The following HRH2 variants were observed in gnomAD, a reference collection of about 807,000 sequenced individuals.
HRH2 encodes the protein histamine H2 receptor.
A neutral mutation model predicts 20.1 loss-of-function variants in HRH2; 4 were observed. That is an observed-to-expected ratio of 0.20 (90% confidence interval 0.10 to 0.45). HRH2 has a LOEUF of 0.45. Among genes scored for constraint, HRH2 ranks in the 20% least tolerant of loss-of-function variants. The pLI, the probability that HRH2 is intolerant of heterozygous loss-of-function variation, is 0.99. For missense variants in HRH2, 250 were observed against 461.6 expected (o/e 0.54, Z 4.20); for synonymous variants, 197 against 200.7 (o/e 0.98, Z 0.16).
chr5:175,685,747 C>T (rs532778306), intron 2 of HRH2: 9 of 554,220 alleles, frequency 1.6e-5, no homozygotes, highest in Non-Finnish European at 2.9e-5. Flanking sequence ...CTCACATGAG[C>T]GAAGGGACAT....
At position 175,687,159 on chromosome 5, in the gene HRH2, T is replaced by A. The variant is rs1220062665; in HGVS notation, c.1076+2850T>A. Among the ~76,000 whole-genome samples the A allele has an allele frequency of 3.3e-5, 5 of 152,018 alleles. No homozygotes were observed. Among genetic ancestry groups the A allele is most frequent in the African/African-American group, 1.2e-4 (5 of 41,394 alleles). ...TGGCAGAGAAGGGTGGGGGAGCCAG[T>A]CAGAGGGCCCCACACTGTGGTTGAG... On this transcript the variant is annotated intron_variant, in intron 2 of 2. Coordinates refer to ENST00000636584, the MANE Select transcript of HRH2 (RefSeq NM_001367711.1). The surrounding 1 kb of genome is among the most constrained non-coding windows in gnomAD (Gnocchi z 5.2).
In HRH2 at chr5:175,686,169, A is replaced by G. The variant is rs760305833; in HGVS notation, c.1076+1860A>G. Reference sequence around the variant, plus strand: ...CATATCCTTGCGCAATCTCTTATTCAGGAGGCAGCTGGAGTGCAAAGCTGA... The same window carrying G: ...CATATCCTTGCGCAATCTCTTATTCGGGAGGCAGCTGGAGTGCAAAGCTGA... On this transcript the variant is annotated intron_variant, in intron 2 of 2. Transcript: ENST00000636584. This position sits in a 1 kb window ranked among gnomAD's most constrained non-coding sequence, Gnocchi z 4.7. 5.3e-5 allele frequency: 8 copies of G among 152,308 alleles called. No homozygotes were observed. The highest frequency in any genetic ancestry group is 1.0e-4 in the Non-Finnish European group (7 of 68,042). The allele number at this position is 152,308 out of a possible 1,614,324, so 9.4% of individuals were successfully genotyped here.
At chr5:175,679,988 T>C (rs1362436693) in intron 1 of HRH2, among the ~76,000 whole-genome samples, 1 of 152,214 alleles carries the variant, frequency 6.6e-6, no homozygotes, top group Admixed American at 6.5e-5. Flanking sequence ...AACCGTTAAA[T>C]GGAGACATGA....
At chr5:175,705,981 G>T (rs1756932886) in intron 2 of HRH2, among the ~76,000 whole-genome samples, 1 of 152,110 alleles carries the variant, frequency 6.6e-6, no homozygotes, top group South Asian at 2.1e-4. Context: ...ACTGCTCCTG[G>T]CCCTGAAGTA....
At chr5:175,674,506 C>G (rs1406399974) in intron 1 of HRH2, among the ~76,000 whole-genome samples, 1 of 151,840 alleles carries the variant, frequency 6.6e-6, no homozygotes, top group Non-Finnish European at 1.5e-5. Flanking sequence ...CCACTCTGAC[C>G]CCACCATCTA....
At position 175,708,549 on chromosome 5, in the gene HRH2, G is replaced by C. The variant is rs544554620; in HGVS notation, c.*578G>C. ...CCCCGACTTTACAGAGATGGAAACT[G>C]AGGCTCAGAGAAGTAAGGGACCTGC... On this transcript the variant is annotated 3_prime_UTR_variant, in exon 3 of 3. Transcript: ENST00000636584. 1.2e-4 allele frequency: 18 copies of C among 152,542 alleles called. No individual in the cohort carries two copies. The highest frequency in any genetic ancestry group is 4.3e-4 in the African/African-American group (18 of 41,556). The allele number at this position is 152,542 out of a possible 1,614,324, so 9.4% of individuals were successfully genotyped here.
At position 175,683,642 on chromosome 5, in the gene HRH2, ATC is replaced by A; in HGVS notation, c.415_416del (p.Leu139GlyfsTer34). The A allele has an allele frequency of 6.2e-7, 1 of 1,614,124 alleles. No individual in the cohort carries two copies. Among genetic ancestry groups the A allele is most frequent in the Non-Finnish European group, 8.5e-7 (1 of 1,180,018 alleles). On this transcript the variant is annotated frameshift_variant, in exon 2 of 3. Transcript: ENST00000636584. LOFTEE classifies it high-confidence loss of function. ...PVLVTPVRVA[I>X]SLVLIWVISI... ...GCTGGTCACCCCAGTTCGGGTCGCC[ATC>A]TCTCTGGTCTTAATTTGGGTCATCT... is the stretch of plus-strand genomic sequence containing the variant.
chr5:175,679,206 A>C (rs1176022355), intron 1 of HRH2, among the ~76,000 whole-genome samples: 1 of 152,200 alleles, frequency 6.6e-6, no homozygotes. Flanking sequence ...CCGGGGAGAC[A>C]CATTCTCATG....
chr5:175,695,399 G>A (rs1460321324), intron 2 of HRH2, among the ~76,000 whole-genome samples: 1 of 152,180 alleles, frequency 6.6e-6, no homozygotes, highest in African/African-American at 2.4e-5. Flanking sequence ...ACAGTGTCCG[G>A]CACCCAGTGA....
chr5:175,672,600 AT>A (rs2113492866), intron 1 of HRH2, among the ~76,000 whole-genome samples: 1 of 152,322 alleles, frequency 6.6e-6, no homozygotes. Flanking sequence ...GGGATATGAT[AT>A]TGTTACGATG....
In HRH2 at chr5:175,683,317, C is replaced by G; in HGVS notation, c.84C>G (p.Leu28=). The change falls in exon 2 of 3, where the codon CTC becomes CTG. Residue 28 remains leucine (L), a synonymous_variant. Transcript: ENST00000636584. Reference sequence around the variant, plus strand: ...CCATCACCGTGGTCCTTGCGGTCCTCATCCTCATCACCGTTGCTGGCAATG... The same window carrying G: ...CCATCACCGTGGTCCTTGCGGTCCTGATCCTCATCACCGTTGCTGGCAATG... ...KITITVVLAV[L]ILITVAGNVV... is the part of the protein sequence containing the mutation. 1 of 1,614,172 alleles carries G rather than the reference C, an allele frequency of 6.2e-7. No individual in the cohort carries two copies. Among genetic ancestry groups the G allele is most frequent in the Non-Finnish European group, 8.5e-7 (1 of 1,180,034 alleles).
Position 175,683,496 on chromosome 5 carries a change from A to G in HRH2, c.263A>G (p.Lys88Arg). ...CTGTCCTGCAAGTGGAGCTTTGGCA[A>G]GGTCTTCTGCAATATCTACACCAGC... ...YQLSCKWSFG[K>R]VFCNIYTSLD... The change falls in exon 2 of 3, where the codon AAG becomes AGG. Residue 88 changes from lysine to arginine, a missense_variant. Coordinates refer to ENST00000636584, the MANE Select transcript of HRH2 (RefSeq NM_001367711.1). The G allele has an allele frequency of 6.2e-7, 1 of 1,613,838 alleles. No individual in the cohort carries two copies. The highest frequency in any genetic ancestry group is 2.2e-5 in the East Asian group (1 of 44,878).
chr5:175,691,637 C>A (rs1221155503), intron 2 of HRH2, among the ~76,000 whole-genome samples: 3 of 151,614 alleles, frequency 2.0e-5, no homozygotes, highest in Non-Finnish European at 4.4e-5. Flanking sequence ...AATACCGGCG[C>A]TTTGGGAGGC....
chr5:175,692,928 C>T (rs536357122), intron 2 of HRH2, among the ~76,000 whole-genome samples: 1 of 152,232 alleles, frequency 6.6e-6, no homozygotes, highest in South Asian at 2.1e-4. Flanking sequence ...AAAGCGTGTC[C>T]GTGTCACGAC....
intron 1 of HRH2, among the ~76,000 whole-genome samples, chr5:175,671,382 T>C (rs1420257093): frequency 6.6e-6 from 1 of 152,146 alleles, no homozygotes. Context: ...GAGAAAGTTG[T>C]ACCTTGGCAG....
At position 175,693,924 on chromosome 5, in the gene HRH2, G is replaced by A. The variant is rs1756470151; in HGVS notation, c.1076+9615G>A. ...CTTACCAGACACTCTCGCAAGCTGG[G>A]AAGCTATTTGTGACATGGCAGTGGT... On this transcript the variant is annotated intron_variant, in intron 2 of 2. Transcript: ENST00000636584. The surrounding 1 kb of genome is among the most constrained non-coding windows in gnomAD (Gnocchi z 4.4). Among the ~76,000 whole-genome samples the A allele has an allele frequency of 6.6e-6, 1 of 152,202 alleles. No individual in the cohort carries two copies. Among genetic ancestry groups the A allele is most frequent in the South Asian group, 2.1e-4 (1 of 4,824 alleles).
intron 1 of HRH2, among the ~76,000 whole-genome samples, chr5:175,659,608 G>C (rs1352760363): frequency 1.3e-5 from 2 of 152,178 alleles, no homozygotes; most frequent in East Asian, 3.9e-4. Flanking sequence ...TGATTGCCAT[G>C]TGGTCACACC....
At chr5:175,697,392 G>C (rs1307961745) in intron 2 of HRH2, among the ~76,000 whole-genome samples, 1 of 151,042 alleles carries the variant, frequency 6.6e-6, no homozygotes, top group Non-Finnish European at 1.5e-5. Flanking sequence ...GAACCCAAGA[G>C]GCGGAGCTTG....
rs180978405 is a variant in HRH2 at position 175,669,258 on chromosome 5, C to T, written c.-526+11103C>T. Among the ~76,000 whole-genome samples, 7 of 152,202 alleles carry T rather than the reference C, an allele frequency of 4.6e-5. No homozygotes were observed. In the East Asian group the frequency reaches 1.4e-3, roughly 29 times the overall value. On this transcript the variant is annotated intron_variant, in intron 1 of 2. Coordinates refer to ENST00000636584, the MANE Select transcript of HRH2 (RefSeq NM_001367711.1). ...TCACTATTTTCAGCATTTTGCCAAT[C>T]GTCTTTCATCCCTGCCACCGTATAA...
Sources: allele counts gnomAD v4.1 joint callset (sites outside exome capture counted in the v4.1 genomes callset), GRCh38; gene constraint gnomAD v4.1.1; non-coding constraint Gnocchi (gnomAD v3.1); transcripts MANE v1.5; gene names NCBI Gene and HGNC (gene_info 2026-07-23, HGNC 2026-07-21).